Variants in PTPRO observed in about 807,000 individuals in gnomAD.
PTPRO encodes the protein receptor-type tyrosine-protein phosphatase O.
In PTPRO, 62 loss-of-function variants were observed where a neutral mutation model predicts 145.2. The ratio of observed to expected loss-of-function variants is 0.43; its 90% CI spans 0.35 to 0.53. The LOEUF (loss-of-function observed/expected upper bound fraction) is 0.53, where lower values mean the gene tolerates loss of function less well. Among genes scored for constraint, PTPRO ranks in the 20% least tolerant of loss-of-function variants. The probability of loss-of-function intolerance (pLI) is 0.01; values close to 1 mark genes in which losing one functional copy is unlikely to be tolerated. For missense variants in PTPRO, 1,345 were observed against 1,482.7 expected (o/e 0.91, Z 1.53); for synonymous variants, 565 against 514.7 (o/e 1.10, Z -1.32).
intron 1 of PTPRO, among the ~76,000 whole-genome samples, chr12:15,352,955 C>G (rs1341229244): frequency 6.6e-6 from 1 of 152,072 alleles, no homozygotes; most frequent in African/African-American, 2.4e-5. Context: ...CAGTAGATTC[C>G]CATTAATCAT....
At chr12:15,394,362 T>C (rs983997963) in intron 1 of PTPRO, among the ~76,000 whole-genome samples, 2 of 152,072 alleles carry the variant, frequency 1.3e-5, no homozygotes, top group African/African-American at 4.8e-5. Flanking sequence ...TTTCTCTTAC[T>C]GAGAGGGACT....
chr12:15,574,512 A>G (rs1388356742), intron 19 of PTPRO, among the ~76,000 whole-genome samples: 2 of 152,224 alleles, frequency 1.3e-5, no homozygotes, highest in African/African-American at 4.8e-5. Context: ...AAACAAAACT[A>G]CAGAACTGGC....
At chr12:15,468,412 G>T (rs1941465550) in intron 1 of PTPRO, among the ~76,000 whole-genome samples, 1 of 152,008 alleles carries the variant, frequency 6.6e-6, no homozygotes, top group African/African-American at 2.4e-5. Context: ...ACCTCTACTG[G>T]CCATTCAAAT....
chr12:15,452,440 G>A (rs1377026063), intron 1 of PTPRO, among the ~76,000 whole-genome samples: 1 of 152,090 alleles, frequency 6.6e-6, no homozygotes, highest in African/African-American at 2.4e-5. Context: ...TACCAATCCT[G>A]TTGACACTAT....
chr12:15,442,390 T>C (rs1329965278), intron 1 of PTPRO, among the ~76,000 whole-genome samples: 2 of 152,170 alleles, frequency 1.3e-5, no homozygotes, highest in East Asian at 3.8e-4. Context: ...GTCAGCATCA[T>C]ACTGAATGGG....
At chr12:15,470,334 C>A (rs253825) in intron 1 of PTPRO, among the ~76,000 whole-genome samples, 3,189 of 152,244 alleles carry the variant, frequency 0.021, 121 homozygotes, top group East Asian at 0.14. Context: ...CCATTTAATT[C>A]TTTGAACCTC....
At chr12:15,403,814 A>G (rs1939569383) in intron 1 of PTPRO, among the ~76,000 whole-genome samples, 1 of 150,700 alleles carries the variant, frequency 6.6e-6, no homozygotes, top group African/African-American at 2.5e-5. Context: ...CACCGAACAT[A>G]GAATAGACAC....
At chr12:15,570,486 A>T (rs1227356766) in intron 19 of PTPRO, among the ~76,000 whole-genome samples, 1 of 152,184 alleles carries the variant, frequency 6.6e-6, no homozygotes, top group Non-Finnish European at 1.5e-5. Context: ...GGGGAATTTG[A>T]GGATGAGAAG....
chr12:15,587,177 C>A, intron 24 of PTPRO, 126 bp downstream of exon 24: 2 of 1,078,142 alleles, frequency 1.9e-6, no homozygotes, highest in Non-Finnish European at 2.7e-6. Context: ...GTTTTTTAAA[C>A]TATGATTAAT....
intron 15 of PTPRO, among the ~76,000 whole-genome samples, chr12:15,552,613 T>C (rs1943494722): frequency 6.6e-6 from 1 of 152,046 alleles, no homozygotes; most frequent in Non-Finnish European, 1.5e-5. Flanking sequence ...TAAGCTGACA[T>C]GTAGCATAAA....
intron 1 of PTPRO, among the ~76,000 whole-genome samples, chr12:15,378,736 A>G (rs1012269640): frequency 1.5e-4 from 23 of 152,192 alleles, no homozygotes; most frequent in African/African-American, 5.3e-4. Context: ...AAAACCAAAT[A>G]AAGATACTAC....
rs543458476 is a variant in PTPRO at position 15,498,762 on chromosome 12, T to A, written c.509-680T>A. Reference sequence around the variant, plus strand: ...TTATGAATGATTAAAAAGCAATTACTGAAACTTTTGTTAACAATCATAAAT... The same window carrying A: ...TTATGAATGATTAAAAAGCAATTACAGAAACTTTTGTTAACAATCATAAAT... On this transcript the variant is annotated intron_variant, in intron 3 of 26. Coordinates refer to ENST00000281171, the MANE Select transcript of PTPRO (RefSeq NM_030667.3). 8.5e-5 allele frequency among the ~76,000 whole-genome samples: 13 copies of A among 152,350 alleles called. 2 individuals are homozygous for A. The highest frequency in any genetic ancestry group is 3.1e-4 in the African/African-American group (13 of 41,578).
chr12:15,584,230 A>G (rs550047816), intron 23 of PTPRO, among the ~76,000 whole-genome samples: 1 of 152,384 alleles, frequency 6.6e-6, no homozygotes, highest in South Asian at 2.1e-4. Flanking sequence ...GAGTTATTTC[A>G]AAAATAATAA....
intron 1 of PTPRO, among the ~76,000 whole-genome samples, chr12:15,404,198 A>AG (rs1939585138): frequency 6.6e-6 from 1 of 151,160 alleles, no homozygotes; most frequent in Non-Finnish European, 1.5e-5. Flanking sequence ...CAAAAAAAAA[A>AG]AAAAAAAAAA....
chr12:15,363,528 T>G (rs1938271256), intron 1 of PTPRO, among the ~76,000 whole-genome samples: 1 of 151,992 alleles, frequency 6.6e-6, no homozygotes, highest in Non-Finnish European at 1.5e-5. Context: ...TATACTTGAG[T>G]CCAAGAAACC....
chr12:15,531,343 C>T (rs1942958466), intron 12 of PTPRO, among the ~76,000 whole-genome samples: 1 of 152,112 alleles, frequency 6.6e-6, no homozygotes, highest in African/African-American at 2.4e-5. Flanking sequence ...AGGAATACTT[C>T]CAAATTCATT....
At chr12:15,570,735 C>T (rs1944026501) in intron 19 of PTPRO, among the ~76,000 whole-genome samples, 1 of 152,064 alleles carries the variant, frequency 6.6e-6, no homozygotes, top group Admixed American at 6.6e-5. Context: ...AGGCAAAACT[C>T]TGAAAAAATA....
intron 1 of PTPRO, among the ~76,000 whole-genome samples, chr12:15,396,046 T>C (rs1393306095): frequency 6.6e-6 from 1 of 152,242 alleles, no homozygotes; most frequent in Non-Finnish European, 1.5e-5. Flanking sequence ...TGCACAAGCA[T>C]ACATCTGTGT....
rs571897032 is a variant in PTPRO at position 15,407,668 on chromosome 12, A to G, written c.76-76306A>G. Among the ~76,000 whole-genome samples, 3 of 152,346 alleles carry G rather than the reference A, an allele frequency of 2.0e-5. No individual in the cohort carries two copies. In the South Asian group the frequency reaches 6.2e-4, roughly 32 times the overall value. On this transcript the variant is annotated intron_variant, in intron 1 of 26. Coordinates refer to ENST00000281171, the MANE Select transcript of PTPRO (RefSeq NM_030667.3). ...CAGCTAGGGTTTCTAACTTTTCTCT[A>G]AAATAACCCAAAACATTTTTACTCC...
Sources: allele counts gnomAD v4.1 joint callset (sites outside exome capture counted in the v4.1 genomes callset), GRCh38; gene constraint gnomAD v4.1.1; transcripts MANE v1.5; gene names NCBI Gene and HGNC (gene_info 2026-07-23, HGNC 2026-07-21).